JADE3: variants seen among roughly 807,000 people sequenced by gnomAD.
The protein encoded by JADE3 is jade family PHD finger 3.
In JADE3, 2 loss-of-function variants were observed where a neutral mutation model predicts 50.1. That is an observed-to-expected ratio of 0.04 (90% CI 0.02 to 0.13). JADE3 has a LOEUF of 0.13. JADE3 is among the 10% of genes least tolerant of loss of function. The probability of loss-of-function intolerance (pLI) is 1.00; values close to 1 mark genes in which losing one functional copy is unlikely to be tolerated. For synonymous variants in JADE3, 218 were observed against 232.9 expected, an observed-to-expected ratio of 0.94 and a Z score of 0.58; for missense variants, 475 against 634.4, an observed-to-expected ratio of 0.75 and a Z score of 2.70.
At chrX:47,019,044 A>G (rs1928738226) in intron 4 of JADE3, among the ~76,000 whole-genome samples, 1 of 111,935 alleles carries the variant, frequency 8.9e-6, no homozygotes, top group South Asian at 3.8e-4. Flanking sequence ...CAGGGCTCCA[A>G]GTGCATGCGT....
intron 1 of JADE3, among the ~76,000 whole-genome samples, chrX:46,957,221 A>AT (rs1556346681): frequency 2.0e-5 from 2 of 99,779 alleles, no homozygotes; most frequent in African/African-American, 7.2e-5. Flanking sequence ...GATTAGATAG[A>AT]TAGATAGATA....
chrX:47,054,137 A>G, intron 8 of JADE3, 21 bp from the exon 9 acceptor site: 1 of 1,093,377 alleles, frequency 9.1e-7, no homozygotes, highest in South Asian at 2.0e-5. Flanking sequence ...TGCTACCTTG[A>G]CACCTATTTT....
At chrX:46,916,213 A>G (rs1407904872) in intron 1 of JADE3, among the ~76,000 whole-genome samples, 1 of 112,713 alleles carries the variant, frequency 8.9e-6, no homozygotes, top group Non-Finnish European at 1.9e-5. Context: ...TAAGAATAGT[A>G]CAAAGAACTC....
intron 7 of JADE3, among the ~76,000 whole-genome samples, chrX:47,035,049 T>C (rs880002669): frequency 7.2e-5 from 8 of 111,454 alleles, no homozygotes; most frequent in Non-Finnish European, 1.5e-4. Flanking sequence ...AGTGGCTACA[T>C]GTACACTAAC....
chrX:46,919,048 C>A (rs1258077687), intron 1 of JADE3, among the ~76,000 whole-genome samples: 2 of 112,402 alleles, frequency 1.8e-5, no homozygotes, highest in Non-Finnish European at 3.8e-5. Flanking sequence ...GTTAAACACC[C>A]ATTTCTGAAT....
intron 1 of JADE3, among the ~76,000 whole-genome samples, chrX:46,916,003 C>T (rs1222889078): frequency 2.7e-5 from 3 of 111,534 alleles, no homozygotes; most frequent in African/African-American, 9.8e-5. Flanking sequence ...CTCCTTTTCC[C>T]TTGGTATTGG....
intron 3 of JADE3, among the ~76,000 whole-genome samples, chrX:46,989,229 T>C (rs1927928399): frequency 8.9e-6 from 1 of 112,374 alleles, no homozygotes; most frequent in Non-Finnish European, 1.9e-5. Flanking sequence ...TTCCTGGCCT[T>C]ACTTGCTGCA....
intron 8 of JADE3, among the ~76,000 whole-genome samples, chrX:47,040,211 C>A: frequency 8.9e-6 from 1 of 112,066 alleles, no homozygotes; most frequent in Non-Finnish European, 1.9e-5. Flanking sequence ...TATTTGCCTG[C>A]CGACCTTCTT....
chrX:47,057,330 A>G lies in JADE3; in HGVS notation c.1562-837A>G, dbSNP rs782720207. On this transcript the variant is annotated intron_variant, in intron 10 of 10. Coordinates refer to ENST00000614628, the MANE Select transcript of JADE3 (RefSeq NM_014735.5). ...TTTGTGAGGGTACAGTAAGATGGTAATGGGCAAAGGTCAAGTCCATATACA... is the reference window on the plus strand; with the variant it reads ...TTTGTGAGGGTACAGTAAGATGGTAGTGGGCAAAGGTCAAGTCCATATACA... Among the ~76,000 whole-genome samples the G allele has an allele frequency of 1.5e-3, 162 of 111,633 alleles. 1 individual carries two copies. Among genetic ancestry groups the G allele is most frequent in the Non-Finnish European group, 2.7e-3 (144 of 53,109 alleles).
chrX:46,963,179 G>A (rs963880107), intron 1 of JADE3, among the ~76,000 whole-genome samples: 1 of 111,840 alleles, frequency 8.9e-6, no homozygotes, highest in South Asian at 3.7e-4. Context: ...CAGGTGCCAC[G>A]CTTATCTCTG....
chrX:46,951,228 A>G (rs1206159802), intron 1 of JADE3, among the ~76,000 whole-genome samples: 1 of 102,664 alleles, frequency 9.7e-6, no homozygotes, highest in African/African-American at 3.5e-5. Flanking sequence ...GAGTTTCACC[A>G]TGTTGGCCAG....
At chrX:46,974,611 A>T (rs1927572106) in intron 1 of JADE3, among the ~76,000 whole-genome samples, 1 of 111,654 alleles carries the variant, frequency 9.0e-6, no homozygotes, top group Non-Finnish European at 1.9e-5. Flanking sequence ...ACCATCACAG[A>T]TTTATTCTGA....
chrX:46,978,613 G>T (rs1927675126), intron 1 of JADE3, among the ~76,000 whole-genome samples: 1 of 111,543 alleles, frequency 9.0e-6, no homozygotes, highest in Non-Finnish European at 1.9e-5. Context: ...GGAGTGGATT[G>T]GGGGGAACAG....
intron 8 of JADE3, among the ~76,000 whole-genome samples, chrX:47,042,205 T>C (rs1248017908): frequency 9.0e-6 from 1 of 111,647 alleles, no homozygotes; most frequent in Non-Finnish European, 1.9e-5. Flanking sequence ...TTGCCCAGGC[T>C]TATTTTTTTC....
chrX:46,997,550 A>G (rs1469680822), intron 3 of JADE3, among the ~76,000 whole-genome samples: 1 of 111,610 alleles, frequency 9.0e-6, no homozygotes, highest in African/African-American at 3.3e-5. Flanking sequence ...GAACAGAAAG[A>G]CATTAGGGAG....
intron 4 of JADE3, among the ~76,000 whole-genome samples, chrX:47,003,778 T>TTA (rs1439451849): frequency 3.0e-5 from 3 of 100,390 alleles, no homozygotes; most frequent in African/African-American, 1.1e-4. Context: ...TATATATAAT[T>TTA]TATATATGTT....
chrX:46,945,854 C>T (rs1926875577), intron 1 of JADE3, among the ~76,000 whole-genome samples: 1 of 111,577 alleles, frequency 9.0e-6, no homozygotes, highest in East Asian at 2.8e-4. Context: ...ACAGGAGATT[C>T]CTGTTCCCTC....
Position 46,967,833 on chromosome X carries a change from G to T in JADE3, c.-11-17051G>T, listed in dbSNP as rs145197263. Among the ~76,000 whole-genome samples, 740 of 112,188 alleles carry T rather than the reference G, an allele frequency of 6.6e-3. 4 individuals are homozygous for T. The highest frequency in any genetic ancestry group is 0.023 in the African/African-American group (710 of 30,888). ...TCTCGAGTTACACATTTTAAATTCT[G>T]TTAACCTTTCAGAATGCTAATAAGT... On this transcript the variant is annotated intron_variant, in intron 1 of 10. Transcript: ENST00000614628.
intron 1 of JADE3, among the ~76,000 whole-genome samples, chrX:46,915,531 G>A (rs1205819017): frequency 9.0e-6 from 1 of 111,300 alleles, no homozygotes; most frequent in Admixed American, 9.5e-5. Flanking sequence ...TTTGTATGGT[G>A]GGGAGGATCT....
Sources: gnomAD v4.1 joint callset for allele counts (sites outside exome capture counted in the v4.1 genomes callset) on GRCh38, gnomAD v4.1.1 for gene constraint, MANE v1.5 for transcripts, NCBI Gene and HGNC (gene_info 2026-07-23, HGNC 2026-07-21) for gene names.